TRIM65: variants seen among roughly 807,000 people sequenced by gnomAD.
TRIM65 encodes the protein E3 ubiquitin-protein ligase TRIM65.
TRIM65 carries 46 observed loss-of-function variants against 36.1 expected under a neutral mutation model. That is an observed-to-expected ratio of 1.27 (90% CI 1.01 to 1.63). TRIM65 has a LOEUF of 1.63. TRIM65 is among the 40% of genes most tolerant of loss of function. TRIM65 has a pLI of 0.00. For missense variants in TRIM65, 708 were observed against 696.6 expected (o/e 1.02, Z -0.18); for synonymous variants, 346 against 313.6 (o/e 1.10, Z -1.09).
chr17:75,893,688 A>G (rs762221644), intron 1 of TRIM65, among the ~76,000 whole-genome samples: 8 of 152,078 alleles, frequency 5.3e-5, no homozygotes, highest in Non-Finnish European at 1.2e-4. Flanking sequence ...AGATCTTCCT[A>G]AGCCCAGAGC....
rs754028130 is a variant in TRIM65 at position 75,891,152 on chromosome 17, G to A, written c.1181C>T (p.Ser394Leu). 29 of 1,608,646 alleles carry A rather than the reference G, an allele frequency of 1.8e-5. No individual in the cohort carries two copies. The highest frequency in any genetic ancestry group is 2.2e-5 in the East Asian group (1 of 44,878). ...CGGGTAGGAGACGCCCAGTGTCACC[G>A]AGTGGTCTGACGCGCGCACCTCCCA... ...HYWEVRASDH[S>L]VTLGVSYPQL... The change falls in exon 6 of 6, where the codon TCG becomes TTG. Residue 394 changes from serine (S) to leucine (L), a missense_variant. By Grantham distance (145) the Ser-to-Leu change is moderately radical. Coordinates refer to ENST00000269383, the MANE Select transcript of TRIM65 (RefSeq NM_173547.4).
rs761422392 is a variant in TRIM65 at position 75,896,822 on chromosome 17, C to T, written c.116G>A (p.Trp39Ter). The T allele has an allele frequency of 1.5e-4, 231 of 1,519,794 alleles. No homozygotes were observed. The highest frequency in any genetic ancestry group is 2.0e-4 in the Non-Finnish European group (226 of 1,136,150). 94.1% of individuals were successfully genotyped at this position (1,519,794 alleles called of 1,614,324 possible). The change falls in exon 1 of 6, where the codon TGG (tryptophan) becomes TAG (stop). Residue 39 changes from tryptophan (W) to a stop codon, truncating the protein, a stop_gained. Coordinates refer to ENST00000269383, the MANE Select transcript of TRIM65 (RefSeq NM_173547.4). LOFTEE classifies it high-confidence loss of function. Reference sequence around the variant, plus strand: ...GCACGCCTTTCCGCAGCGGTCCCACCAGTCCCGGATGCAGGCCCCGCAGAA... The same window carrying T: ...GCACGCCTTTCCGCAGCGGTCCCACTAGTCCCGGATGCAGGCCCCGCAGAA... Reference protein sequence around the residue: ...HNFCGACIRDWWDRCGKACPE... With the variant: ...HNFCGACIRD
chr17:75,883,662 G>A (rs2065184701), intron 4 of TRIM65, among the ~76,000 whole-genome samples: 1 of 151,056 alleles, frequency 6.6e-6, no homozygotes, highest in African/African-American at 2.4e-5. Flanking sequence ...CGAGTAGCTG[G>A]GACTACAGGT....
chr17:75,884,911 G>A (rs1305205839), downstream of TRIM65, among the ~76,000 whole-genome samples: 5 of 151,178 alleles, frequency 3.3e-5, no homozygotes, highest in East Asian at 7.7e-4. Flanking sequence ...GATTACAGGT[G>A]TGAGCCACCT....
chr17:75,892,169 TG>T lies in TRIM65; in HGVS notation c.760del (p.Gln254SerfsTer9). ...QTFLQESQLL[Q>X]PPGPLGPLTP... ...CAGTGGCCCAAGAGGCCCTGGGGGC[TG>T]GAGGAGCTGCGATTCCTGAGCCCCA... On this transcript the variant is annotated frameshift_variant, in exon 4 of 6. Coordinates refer to ENST00000269383, the MANE Select transcript of TRIM65 (RefSeq NM_173547.4). LOFTEE classifies it high-confidence loss of function. 6.4e-7 allele frequency: 1 copy of T among 1,569,984 alleles called. No individual in the cohort carries two copies. Among genetic ancestry groups the T allele is most frequent in the Non-Finnish European group, 8.6e-7 (1 of 1,157,308 alleles).
chr17:75,886,438 C>T (rs549864620), downstream of TRIM65, among the ~76,000 whole-genome samples: 9 of 144,962 alleles, frequency 6.2e-5, no homozygotes, highest in Admixed American at 2.2e-4. Context: ...AGGAGAATGG[C>T]GTGAACCCAG....
rs762624910 is a variant in TRIM65 at position 75,892,187 on chromosome 17, T to C, written c.745-2A>G. 101 of 1,573,462 alleles carry C rather than the reference T, an allele frequency of 6.4e-5. No homozygotes were observed. In the East Asian group the frequency reaches 1.8e-3, roughly 28 times the overall value. On this transcript the variant is annotated splice_acceptor_variant, in intron 3 of 5. Transcript: ENST00000269383. LOFTEE classifies it high-confidence loss of function. The stretch of plus-strand genomic sequence containing the variant: ...TGGGGGCTGGAGGAGCTGCGATTCC[T>C]GAGCCCCAGGGAGAACAAGTAAGCC...
In TRIM65 at chr17:75,890,643, T is replaced by TC; in HGVS notation, c.*135dup. 1 of 720,732 alleles carries TC rather than the reference T, an allele frequency of 1.4e-6. No homozygotes were observed. Among genetic ancestry groups the TC allele is most frequent in the Non-Finnish European group, 2.1e-6 (1 of 466,214 alleles). The allele number at this position is 720,732 out of a possible 1,614,324, so 44.6% of individuals were successfully genotyped here. A position where few individuals can be genotyped will look rare whatever the true frequency, so the allele number is the denominator to read the frequency against. The stretch of plus-strand genomic sequence containing the variant: ...AGTGAACTCTGCGTTTATGCTCACC[T>TC]CCCCCAACCTCCCATCTCTTTCTGA... On this transcript the variant is annotated 3_prime_UTR_variant, in exon 6 of 6. Transcript: ENST00000269383.
At chr17:75,886,970 C>A (rs565130638), downstream of TRIM65, among the ~76,000 whole-genome samples, 1 of 151,586 alleles carries the variant, frequency 6.6e-6, no homozygotes, top group Admixed American at 6.6e-5. Flanking sequence ...GCCTGGGCAA[C>A]ACAGTGAGAA....
chr17:75,885,163 T>C (rs1317208977), downstream of TRIM65, among the ~76,000 whole-genome samples: 1 of 152,200 alleles, frequency 6.6e-6, no homozygotes, highest in Non-Finnish European at 1.5e-5. Flanking sequence ...CCTGACCTCG[T>C]GATCCACCTG....
intron 1 of TRIM65, among the ~76,000 whole-genome samples, chr17:75,894,981 C>G (rs375705367): frequency 3.9e-5 from 6 of 152,234 alleles, no homozygotes; most frequent in Admixed American, 3.9e-4. Flanking sequence ...GGGGTCAGCG[C>G]GCGGCAGGGC....
At chr17:75,886,065 G>A (rs1432085053), downstream of TRIM65, among the ~76,000 whole-genome samples, 2 of 152,164 alleles carry the variant, frequency 1.3e-5, no homozygotes, top group African/African-American at 4.8e-5. Flanking sequence ...TGTTCTCATG[G>A]TAATGAATAA....
In TRIM65 at chr17:75,891,445, C is replaced by T. The variant is rs191286404; in HGVS notation, c.986-98G>A. 4.9e-5 allele frequency: 63 copies of T among 1,288,604 alleles called. 1 individual carries two copies. In the East Asian group the frequency reaches 1.1e-3, roughly 23 times the overall value. The allele number at this position is 1,288,604 out of a possible 1,614,324, so 79.8% of individuals were successfully genotyped here. On this transcript the variant is annotated intron_variant, in intron 5 of 5. Transcript: ENST00000269383. The stretch of plus-strand genomic sequence containing the variant: ...AACCTCCGCCAGGCACGCTGAGCAC[C>T]GGCCGTCACCATAGCACTTAATCCT...
At chr17:75,881,235 C>CAAAAAAAAAAAAA (rs58718762) in intron 4 of TRIM65, among the ~76,000 whole-genome samples, 4 of 110,248 alleles carry the variant, frequency 3.6e-5, no homozygotes, top group East Asian at 3.0e-4. Flanking sequence ...GACTCCATCT[C>CAAAAAAAAAAAAA]AAAAAAAAAA....
chr17:75,893,773 C>A (rs1447348804), intron 1 of TRIM65, among the ~76,000 whole-genome samples: 1 of 152,098 alleles, frequency 6.6e-6, no homozygotes, highest in Non-Finnish European at 1.5e-5. Flanking sequence ...CCAGGGCACC[C>A]AACCCTCCCC....
intron 1 of TRIM65, among the ~76,000 whole-genome samples, chr17:75,894,410 T>C (rs950568173): frequency 1.3e-5 from 2 of 152,264 alleles, no homozygotes; most frequent in Non-Finnish European, 2.9e-5. Context: ...GTCCTCGTAC[T>C]GAGCCTCTGA....
chr17:75,881,830 G>A (rs2065171231), intron 4 of TRIM65, among the ~76,000 whole-genome samples: 1 of 150,720 alleles, frequency 6.6e-6, no homozygotes, highest in Non-Finnish European at 1.5e-5. Flanking sequence ...GACCTTCCGG[G>A]CAGAGGGAGT....
In TRIM65 at chr17:75,891,290, C is replaced by T. The variant is rs184759429; in HGVS notation, c.1043G>A (p.Arg348His). ...VSANRHFYLS[R>H]QDQQVKHCRQ... ...ACAGTGCTTCACCTGCTGGTCCTGG[C>T]GCGACAGATAGAAGTGACGGTTGGC... The change falls in exon 6 of 6, where the codon CGC (arginine) becomes CAC (histidine). Residue 348 changes from arginine (R) to histidine (H), a missense_variant. Physicochemically the swap from Arg to His is conservative, Grantham distance 29. Transcript: ENST00000269383. 2.2e-5 allele frequency: 36 copies of T among 1,613,164 alleles called. No individual in the cohort carries two copies. In the East Asian group the frequency reaches 2.7e-4, roughly 12 times the overall value.
chr17:75,893,032 G>C (rs1415110346), intron 1 of TRIM65, among the ~76,000 whole-genome samples, 182 bp from the exon 2 acceptor site: 1 of 152,084 alleles, frequency 6.6e-6, no homozygotes, highest in African/African-American at 2.4e-5. Flanking sequence ...GCCCCGGGGG[G>C]GTCCAGACAA....
Sources: allele counts gnomAD v4.1 joint callset (sites outside exome capture counted in the v4.1 genomes callset), GRCh38; gene constraint gnomAD v4.1.1; transcripts MANE v1.5; gene names NCBI Gene and HGNC (gene_info 2026-07-23, HGNC 2026-07-21).